Variants in SEZ6L observed in about 807,000 individuals in gnomAD.
SEZ6L encodes the protein seizure 6-like protein.
SEZ6L carries 37 observed loss-of-function variants against 106.2 expected under a neutral mutation model. The observed-to-expected ratio is 0.35, with a 90% CI of 0.27 to 0.46. The LOEUF (loss-of-function observed/expected upper bound fraction) is 0.46, where lower values mean the gene tolerates loss of function less well. Among genes scored for constraint, SEZ6L ranks in the 20% least tolerant of loss-of-function variants. The pLI is 1.00. For missense variants in SEZ6L, 1,172 were observed against 1,332.8 expected, an observed-to-expected ratio of 0.88 and a Z score of 1.88; for synonymous variants, 541 against 570.4, an observed-to-expected ratio of 0.95 and a Z score of 0.73.
At chr22:26,332,717 G>A (rs2082526233) in intron 9 of SEZ6L, among the ~76,000 whole-genome samples, 1 of 152,182 alleles carries the variant, frequency 6.6e-6, no homozygotes, top group South Asian at 2.1e-4. Flanking sequence ...CAAAATGCTG[G>A]GATTACAAGC....
intron 9 of SEZ6L, among the ~76,000 whole-genome samples, chr22:26,319,957 G>A (rs3788378): frequency 0.5 from 75,380 of 152,008 alleles, 18,981 homozygotes; most frequent in South Asian, 0.67. Context: ...GGAAAAAAGA[G>A]GGTCAGAAAA....
chr22:26,316,283 A>T (rs1046139879), intron 9 of SEZ6L, among the ~76,000 whole-genome samples: 1 of 152,176 alleles, frequency 6.6e-6, no homozygotes, highest in Non-Finnish European at 1.5e-5. Flanking sequence ...TGTCTCTCTT[A>T]ACTCTAGGGA....
At chr22:26,358,660 A>G (rs2083515634) in intron 12 of SEZ6L, among the ~76,000 whole-genome samples, 1 of 152,196 alleles carries the variant, frequency 6.6e-6, no homozygotes. Context: ...GGTCCAATTC[A>G]TTTGCATTCC....
chr22:26,294,039 A>G (rs1365344449), intron 2 of SEZ6L, among the ~76,000 whole-genome samples: 1 of 152,192 alleles, frequency 6.6e-6, no homozygotes, highest in Non-Finnish European at 1.5e-5. Flanking sequence ...ATCAGTCCCT[A>G]TGAGAATAAG....
intron 1 of SEZ6L, among the ~76,000 whole-genome samples, chr22:26,291,987 G>A (rs1031318405): frequency 1.7e-5 from 1 of 60,572 alleles, no homozygotes; most frequent in African/African-American, 1.1e-4. Flanking sequence ...AAGGAAGGAA[G>A]GAAGGAAGGA....
intron 13 of SEZ6L, among the ~76,000 whole-genome samples, chr22:26,370,244 G>A (rs2083982361): frequency 6.6e-6 from 1 of 152,094 alleles, no homozygotes; most frequent in Admixed American, 6.5e-5. Context: ...ATTTAGCCGG[G>A]TGTGGTGGCG....
intron 1 of SEZ6L, among the ~76,000 whole-genome samples, chr22:26,290,363 C>G (rs1048339866): frequency 2.8e-4 from 42 of 152,086 alleles, no homozygotes; most frequent in Non-Finnish European, 5.3e-4. Context: ...AACCCTGTCT[C>G]TACTAAAAAA....
intron 1 of SEZ6L, among the ~76,000 whole-genome samples, chr22:26,172,772 T>G (rs1012514520): frequency 6.6e-6 from 1 of 151,468 alleles, no homozygotes; most frequent in African/African-American, 2.4e-5. Flanking sequence ...GAAAAATTAT[T>G]GGTCACCCTT....
intron 1 of SEZ6L, among the ~76,000 whole-genome samples, chr22:26,262,303 A>G (rs574332138): frequency 7.8e-6 from 1 of 128,754 alleles, no homozygotes; most frequent in Non-Finnish European, 1.7e-5. Context: ...AAAGAAATAC[A>G]TGGCCCTTCT....
chr22:26,225,069 G>A (rs1310618831), intron 1 of SEZ6L, among the ~76,000 whole-genome samples: 1 of 152,164 alleles, frequency 6.6e-6, no homozygotes, highest in Non-Finnish European at 1.5e-5. Context: ...AAGAATCTGT[G>A]GTGGTCTGAC....
At chr22:26,195,202 A>G (rs541733830) in intron 1 of SEZ6L, among the ~76,000 whole-genome samples, 2 of 152,350 alleles carry the variant, frequency 1.3e-5, no homozygotes, top group Non-Finnish European at 2.9e-5. Context: ...CTCTCAAGCT[A>G]TCTTTGATAC....
intron 1 of SEZ6L, chr22:26,254,152 C>T (rs1291781818): frequency 1.3e-5 from 2 of 152,146 alleles, no homozygotes; most frequent in African/African-American, 4.8e-5. Flanking sequence ...AGCTCAGGGG[C>T]TTTGTGATTT....
At chr22:26,243,929 G>A (rs1005813168) in intron 1 of SEZ6L, among the ~76,000 whole-genome samples, 13 of 152,092 alleles carry the variant, frequency 8.5e-5, no homozygotes, top group African/African-American at 2.7e-4. Flanking sequence ...TTGGGAGGCC[G>A]AGGTGGATAG....
At chr22:26,281,301 C>T (rs2080755967) in intron 1 of SEZ6L, among the ~76,000 whole-genome samples, 1 of 152,104 alleles carries the variant, frequency 6.6e-6, no homozygotes, top group South Asian at 2.1e-4. Context: ...ATAGTCCCCA[C>T]CAGGAGGAAG....
chr22:26,356,435 G>C (rs570746699), intron 12 of SEZ6L, among the ~76,000 whole-genome samples: 1 of 151,536 alleles, frequency 6.6e-6, no homozygotes, highest in Non-Finnish European at 1.5e-5. Flanking sequence ...TGAGGTCAGG[G>C]GTTCGAGACC....
At chr22:26,252,036 A>G (rs577251729) in intron 1 of SEZ6L, among the ~76,000 whole-genome samples, 1 of 152,150 alleles carries the variant, frequency 6.6e-6, no homozygotes, top group Non-Finnish European at 1.5e-5. Context: ...CAGCGGCGGC[A>G]GCAGCAGCAT....
At chr22:26,348,547 A>AAGGAAGGAAGGG (rs2083088957) in intron 11 of SEZ6L, among the ~76,000 whole-genome samples, 2 of 86,260 alleles carry the variant, frequency 2.3e-5, no homozygotes, top group Non-Finnish European at 4.5e-5. Context: ...GGAAGGAAGG[A>AAGGAAGGAAGGG]AGGAAGGAAG....
chr22:26,303,422 C>A (rs2081514599), intron 5 of SEZ6L, among the ~76,000 whole-genome samples: 1 of 152,154 alleles, frequency 6.6e-6, no homozygotes. Context: ...AATATTTATT[C>A]TTTCATTCAA....
intron 6 of SEZ6L, among the ~76,000 whole-genome samples, chr22:26,307,052 C>A (rs566613507): frequency 1.5e-4 from 23 of 152,118 alleles, no homozygotes; most frequent in Non-Finnish European, 2.9e-4. Context: ...CGTTAATAAG[C>A]GGGTGACTGC....
Sources: allele counts gnomAD v4.1 joint callset (sites outside exome capture counted in the v4.1 genomes callset), GRCh38; gene constraint gnomAD v4.1.1; transcripts MANE v1.5; gene names NCBI Gene and HGNC (gene_info 2026-07-23, HGNC 2026-07-21).